The following USP53 variants were observed in gnomAD, a reference collection of about 807,000 sequenced individuals.
USP53 encodes ubiquitin carboxyl-terminal hydrolase 53.
A neutral mutation model predicts 94.9 loss-of-function variants in USP53; 71 were observed. That is an observed-to-expected ratio of 0.75 (90% CI 0.62 to 0.91). The LOEUF is 0.91. USP53 is among the 40% of genes least tolerant of loss of function. USP53 has a pLI of 0.00. For missense variants in USP53, 1,173 were observed against 1,281.0 expected, an observed-to-expected ratio of 0.92 and a Z score of 1.29; for synonymous variants, 375 against 422.7, an observed-to-expected ratio of 0.89 and a Z score of 1.39.
intron 17 of USP53, among the ~76,000 whole-genome samples, chr4:119,284,829 C>T (rs1753901078): frequency 6.6e-6 from 1 of 151,792 alleles, no homozygotes; most frequent in African/African-American, 2.4e-5. Flanking sequence ...TAACTGAGGA[C>T]ACCTATTGCA....
At position 119,227,256 on chromosome 4, in the gene USP53, T is replaced by TATACACACACACACAC. The variant is rs1376598406; in HGVS notation, c.-664-8033_-664-8032insTACACACACACACACA. ...ATTAATCCAAAGCCTTGTCTAACAC[T>TATACACACACACACAC]ACACACACACACACACACACACACA... On this transcript the variant is annotated intron_variant, in intron 3 of 18. Transcript: ENST00000692078. Among the ~76,000 whole-genome samples the TATACACACACACACAC allele has an allele frequency of 3.4e-3, 429 of 125,110 alleles. 2 individuals carry two copies. Among genetic ancestry groups the TATACACACACACACAC allele is most frequent in the East Asian group, 6.3e-3 (29 of 4,636 alleles). The allele number at this position is 125,110 out of a possible 152,430, so 82.1% of individuals were successfully genotyped here.
At chr4:119,255,643 G>C (rs971268453) in intron 7 of USP53, among the ~76,000 whole-genome samples, 4 of 152,182 alleles carry the variant, frequency 2.6e-5, no homozygotes, top group African/African-American at 7.2e-5. Flanking sequence ...GCTCCTCCAG[G>C]TACATTCACT....
chr4:119,286,216 G>C (rs956743466), intron 17 of USP53, among the ~76,000 whole-genome samples: 2 of 150,132 alleles, frequency 1.3e-5, no homozygotes, highest in African/African-American at 4.9e-5. Flanking sequence ...TTAATGTTTA[G>C]GGTTTGTAAA....
chr4:119,229,828 A>G (rs1052041482), intron 3 of USP53, among the ~76,000 whole-genome samples: 1 of 152,098 alleles, frequency 6.6e-6, no homozygotes, highest in Non-Finnish European at 1.5e-5. Context: ...TCTGCTTAAA[A>G]CCAACAAAAG....
intron 9 of USP53, among the ~76,000 whole-genome samples, chr4:119,257,024 A>G (rs1749856437): frequency 6.6e-6 from 1 of 152,200 alleles, no homozygotes; most frequent in African/African-American, 2.4e-5. Flanking sequence ...TTGCCTGCTC[A>G]GCTGCCCACT....
intron 9 of USP53, 149 bp from the exon 10 acceptor site, chr4:119,259,671 G>A: frequency 1.9e-6 from 1 of 520,884 alleles, no homozygotes; most frequent in Non-Finnish European, 3.3e-6. Flanking sequence ...TTCACTTTAT[G>A]GAAATGTACT....
chr4:119,274,204 G>T (rs1292484055), intron 17 of USP53, among the ~76,000 whole-genome samples: 2 of 150,720 alleles, frequency 1.3e-5, no homozygotes, highest in African/African-American at 2.4e-5. Context: ...CCACTAACTC[G>T]TCATCTAGCA....
intron 17 of USP53, among the ~76,000 whole-genome samples, chr4:119,280,082 C>T (rs1753318471): frequency 1.3e-5 from 2 of 152,226 alleles, no homozygotes; most frequent in Non-Finnish European, 2.9e-5. Flanking sequence ...ACGCTGGGAG[C>T]TGTAGACTGG....
chr4:119,274,563 A>G (rs62328383), intron 17 of USP53, among the ~76,000 whole-genome samples: 5 of 151,974 alleles, frequency 3.3e-5, no homozygotes, highest in African/African-American at 9.7e-5. Flanking sequence ...ACATACGTGT[A>G]CATGTGTCTT....
At chr4:119,265,954 C>CTTT (rs1751074800) in intron 12 of USP53, among the ~76,000 whole-genome samples, 1 of 152,126 alleles carries the variant, frequency 6.6e-6, no homozygotes, top group Non-Finnish European at 1.5e-5. Context: ...AATGTATTTA[C>CTTT]CTATGTAACT....
intron 16 of USP53, chr4:119,272,891 G>A (rs1361296010): frequency 6.6e-6 from 1 of 152,112 alleles, no homozygotes; most frequent in African/African-American, 2.4e-5. Context: ...TTATATTACT[G>A]TTTAATCCTT....
Position 119,271,769 on chromosome 4 carries a change from G to T in USP53, c.1909G>T (p.Gly637Cys). Residue 637 changes from glycine to cysteine, a missense_variant, in exon 16 of 19, where the codon GGT becomes TGT. Coordinates refer to ENST00000692078, the MANE Select transcript of USP53 (RefSeq NM_001371395.1). ...NWPKENPKQK[G>C]LMTIYEDEMK... ...GCCAAAAGAGAATCCAAAGCAAAAA[G>T]GTTTAATGACCATATATGAAGATGA... is the stretch of plus-strand genomic sequence containing the variant. The T allele has an allele frequency of 6.2e-7, 1 of 1,613,656 alleles. No individual in the cohort carries two copies. Among genetic ancestry groups the T allele is most frequent in the Non-Finnish European group, 8.5e-7 (1 of 1,179,936 alleles).
intron 5 of USP53, among the ~76,000 whole-genome samples, chr4:119,244,605 C>T (rs759476734): frequency 6.6e-6 from 1 of 152,186 alleles, no homozygotes; most frequent in Non-Finnish European, 1.5e-5. Flanking sequence ...CTATGAGACA[C>T]AAGTACTATT....
intron 17 of USP53, among the ~76,000 whole-genome samples, chr4:119,278,532 C>T (rs1442115415): frequency 7.0e-6 from 1 of 142,118 alleles, no homozygotes; most frequent in Non-Finnish European, 1.5e-5. Context: ...CTGCCCTTAA[C>T]ATTTTTTCCT....
In USP53 at chr4:119,256,367, G is replaced by A. The variant is rs7668372; in HGVS notation, c.486+8G>A. The A allele has an allele frequency of 2.0e-5, 32 of 1,612,934 alleles. No homozygotes were observed. The African/African-American group carries it at 4.0e-4, about 20-fold the overall frequency. ...ATGACTCTGTATGAACAGGTGAGAT[G>A]GCTTGATTATTATTTAGATATTGTA... On this transcript the variant is annotated splice_region_variant and intron_variant, in intron 8 of 18. Coordinates refer to ENST00000692078, the MANE Select transcript of USP53 (RefSeq NM_001371395.1).
rs187179171 is a variant in USP53, at chr4:119,213,560, G to T, written c.-941-510G>T. On this transcript the variant is annotated intron_variant, in intron 1 of 18. Transcript: ENST00000692078. ...TTGAGGTTTGTAACCCTGCTACAAGGTTTTCTTTATCAATGCAAAGTATGC... is the reference window on the plus strand; with the variant it reads ...TTGAGGTTTGTAACCCTGCTACAAGTTTTTCTTTATCAATGCAAAGTATGC... 8.5e-4 allele frequency among the ~76,000 whole-genome samples: 128 copies of T among 150,830 alleles called. 2 individuals are homozygous for T. In the East Asian group the frequency reaches 0.024, roughly 29 times the overall value.
intron 9 of USP53, among the ~76,000 whole-genome samples, chr4:119,259,545 C>G (rs1750211136): frequency 6.6e-6 from 1 of 152,128 alleles, no homozygotes; most frequent in African/African-American, 2.4e-5. Context: ...AGAATTACCT[C>G]CAGACAGAGC....
At position 119,295,271 on chromosome 4, in the gene USP53, T is replaced by C. The variant is rs1755150811; in HGVS notation, c.*2060T>C. 6.6e-6 allele frequency: 1 copy of C among 152,020 alleles called. No individual in the cohort carries two copies. The highest frequency in any genetic ancestry group is 1.5e-5 in the Non-Finnish European group (1 of 67,986). 9.4% of individuals were successfully genotyped at this position (152,020 alleles called of 1,614,324 possible). A position where few individuals can be genotyped will look rare whatever the true frequency, so the allele number is the denominator to read the frequency against. On this transcript the variant is annotated 3_prime_UTR_variant, in exon 19 of 19. Transcript: ENST00000692078. Reference sequence around the variant, plus strand: ...AAAATGCCCATTTATTTTTGTTGATTCAACACTCCAGATACAGATTGATAC... The same window carrying C: ...AAAATGCCCATTTATTTTTGTTGATCCAACACTCCAGATACAGATTGATAC...
chr4:119,240,017 T>C, intron 5 of USP53, 114 bp downstream of exon 5: 1 of 1,109,040 alleles, frequency 9.0e-7, no homozygotes. Flanking sequence ...AGAATGACTT[T>C]TTAATATAAC....
Sources: gnomAD v4.1 joint callset for allele counts (sites outside exome capture counted in the v4.1 genomes callset) on GRCh38, gnomAD v4.1.1 for gene constraint, MANE v1.5 for transcripts, NCBI Gene and HGNC (gene_info 2026-07-23, HGNC 2026-07-21) for gene names.